Variants in CREB5 observed in about 807,000 individuals in gnomAD.
CREB5 encodes the protein cAMP responsive element binding protein 5.
CREB5 carries 19 observed loss-of-function variants against 57.1 expected under a neutral mutation model. That is an observed-to-expected ratio of 0.33 (90% CI 0.23 to 0.49). The LOEUF is 0.49. Ranked by LOEUF, CREB5 falls within the 20% of genes least tolerant of loss-of-function variation. CREB5 has a pLI of 0.99. For synonymous variants in CREB5, 238 were observed against 238.3 expected (o/e 1.00, Z 0.01); for missense variants, 579 against 671.6 (o/e 0.86, Z 1.52).
intron 3 of CREB5, among the ~76,000 whole-genome samples, chr7:28,496,465 G>C (rs890766007): frequency 5.3e-5 from 8 of 152,148 alleles, no homozygotes; most frequent in African/African-American, 1.9e-4. Context: ...GGTTTTGTCA[G>C]ACAGGTTATT....
At chr7:28,326,247 A>G (rs541023555) in intron 1 of CREB5, among the ~76,000 whole-genome samples, 1 of 152,206 alleles carries the variant, frequency 6.6e-6, no homozygotes, top group African/African-American at 2.4e-5. Flanking sequence ...TCACACTGAT[A>G]CCCACAGTTC....
At chr7:28,728,339 C>T (rs972485858) in intron 7 of CREB5, among the ~76,000 whole-genome samples, 1 of 152,190 alleles carries the variant, frequency 6.6e-6, no homozygotes, top group Middle Eastern at 3.2e-3. Flanking sequence ...TTTCAGACTC[C>T]AGTAACAAAG....
chr7:28,613,632 A>G (rs1296889353), intron 5 of CREB5, among the ~76,000 whole-genome samples: 1 of 152,256 alleles, frequency 6.6e-6, no homozygotes, highest in African/African-American at 2.4e-5. Context: ...ATTACTGGTC[A>G]TTAACTGCCC....
chr7:28,308,139 T>A (rs1292693504), intron 1 of CREB5, among the ~76,000 whole-genome samples: 1 of 152,198 alleles, frequency 6.6e-6, no homozygotes, highest in Non-Finnish European at 1.5e-5. Flanking sequence ...GGGGCCCTGA[T>A]AAGAACATGA....
At chr7:28,586,270 G>A (rs914473603) in intron 5 of CREB5, among the ~76,000 whole-genome samples, 3 of 152,204 alleles carry the variant, frequency 2.0e-5, no homozygotes, top group Non-Finnish European at 4.4e-5. Context: ...ACCCCTCAGT[G>A]AGTGTGGTGG....
intron 5 of CREB5, among the ~76,000 whole-genome samples, chr7:28,676,507 T>C (rs181716220): frequency 6.6e-6 from 1 of 152,338 alleles, no homozygotes; most frequent in East Asian, 1.9e-4. Flanking sequence ...CCTGGGTCAC[T>C]CGTGTTTTTG....
intron 4 of CREB5, among the ~76,000 whole-genome samples, chr7:28,550,174 T>C (rs1375905023): frequency 6.6e-6 from 1 of 152,100 alleles, no homozygotes; most frequent in African/African-American, 2.4e-5. Flanking sequence ...TTTCTTCTCC[T>C]TCTCCTCTCC....
upstream of CREB5, among the ~76,000 whole-genome samples, chr7:28,408,697 G>C (rs1218084330): frequency 2.0e-5 from 3 of 152,150 alleles, no homozygotes; most frequent in Non-Finnish European, 4.4e-5. Context: ...GGGGTCCCGC[G>C]AAGGGTGGGG....
chr7:28,666,480 A>C (rs1054415667), intron 5 of CREB5, among the ~76,000 whole-genome samples: 8 of 152,162 alleles, frequency 5.3e-5, no homozygotes, highest in Admixed American at 3.9e-4. Flanking sequence ...ATGTTAACGG[A>C]TCCTTTACAT....
At chr7:28,436,881 A>G (rs948545707) in intron 1 of CREB5, among the ~76,000 whole-genome samples, 1 of 152,192 alleles carries the variant, frequency 6.6e-6, no homozygotes, top group African/African-American at 2.4e-5. Flanking sequence ...TTACTCTGCT[A>G]CATAAAATTC....
chr7:28,778,799 T>A (rs1367647592), intron 7 of CREB5: 2 of 152,186 alleles, frequency 1.3e-5, no homozygotes, highest in Non-Finnish European at 2.9e-5. Context: ...ACAAAATTAT[T>A]TCAAAATGGT....
intron 5 of CREB5, among the ~76,000 whole-genome samples, chr7:28,630,020 C>A (rs1282923549): frequency 6.6e-6 from 1 of 152,184 alleles, no homozygotes; most frequent in Non-Finnish European, 1.5e-5. Flanking sequence ...CCAAACAGCC[C>A]TGAGAGGTGG....
chr7:28,394,869 A>G (rs1275459129), intron 1 of CREB5, among the ~76,000 whole-genome samples: 1 of 152,220 alleles, frequency 6.6e-6, no homozygotes, highest in Non-Finnish European at 1.5e-5. Flanking sequence ...AAGAAAGAAT[A>G]AAATAATTAT....
At chr7:28,376,739 CA>C (rs1201700342) in intron 1 of CREB5, among the ~76,000 whole-genome samples, 1 of 152,194 alleles carries the variant, frequency 6.6e-6, no homozygotes, top group Non-Finnish European at 1.5e-5. Flanking sequence ...AGTCTCCCTT[CA>C]GCCTCATATC....
At chr7:28,574,801 A>G (rs143004964) in intron 5 of CREB5, among the ~76,000 whole-genome samples, 1 of 152,370 alleles carries the variant, frequency 6.6e-6, no homozygotes, top group Non-Finnish European at 1.5e-5. Flanking sequence ...AAATATGTTC[A>G]ACAGAATGCA....
chr7:28,557,524 A>G (rs907056043), intron 4 of CREB5, among the ~76,000 whole-genome samples: 2 of 152,182 alleles, frequency 1.3e-5, no homozygotes, highest in African/African-American at 2.4e-5. Flanking sequence ...ATCAGAAATG[A>G]TCTGGTGCTT....
chr7:28,317,051 A>G (rs926690990), intron 1 of CREB5, among the ~76,000 whole-genome samples: 1 of 150,686 alleles, frequency 6.6e-6, no homozygotes, highest in African/African-American at 2.4e-5. Flanking sequence ...TGATACTTAT[A>G]GAACTGACGC....
chr7:28,688,186 AC>A (rs1257409838), intron 5 of CREB5, among the ~76,000 whole-genome samples: 1 of 152,160 alleles, frequency 6.6e-6, no homozygotes, highest in East Asian at 1.9e-4. Context: ...TGGCAAAAAA[AC>A]AAACATGGTA....
At chr7:28,379,656 G>A (rs1195607999) in intron 1 of CREB5, among the ~76,000 whole-genome samples, 1 of 152,150 alleles carries the variant, frequency 6.6e-6, no homozygotes, top group African/African-American at 2.4e-5. Context: ...CACATGCCCC[G>A]AAAGGTTCAG....
Sources: allele counts gnomAD v4.1 joint callset (sites outside exome capture counted in the v4.1 genomes callset), GRCh38; gene constraint gnomAD v4.1.1; transcripts MANE v1.5; gene names NCBI Gene and HGNC (gene_info 2026-07-23, HGNC 2026-07-21).